The following RSPH14 variants were observed in gnomAD, a reference collection of about 807,000 sequenced individuals.
The protein encoded by RSPH14 is rhabdoid tumor deletion region gene 1.
In RSPH14, 20 loss-of-function variants were observed where a neutral mutation model predicts 26.7. The ratio of observed to expected loss-of-function variants is 0.75; its 90% confidence interval spans 0.53 to 1.09. The LOEUF (loss-of-function observed/expected upper bound fraction) is 1.09. Among genes scored for constraint, RSPH14 ranks in the 50% least tolerant of loss-of-function variants. The probability of loss-of-function intolerance (pLI) is 0.00; values close to 1 mark genes in which losing one functional copy is unlikely to be tolerated. For missense variants in RSPH14, 449 were observed against 457.2 expected (o/e 0.98, Z 0.16); for synonymous variants, 177 against 189.3 (o/e 0.93, Z 0.53).
the RSPH14 span, among the ~76,000 whole-genome samples, chr22:23,155,185 T>C: frequency 3.3e-5 from 5 of 152,314 alleles, no homozygotes; most frequent in African/African-American, 9.6e-5. Context: ...TACTTTGCAG[T>C]TTACTGAGAA....
chr22:23,162,820 A>G, the RSPH14 span: 1 of 443,264 alleles, frequency 2.3e-6, no homozygotes, highest in Non-Finnish European at 4.6e-6. Flanking sequence ...TGTTCAGCTC[A>G]GCGATTGCCA....
chr22:23,147,434 A>G (rs1351582836), upstream of RSPH14, among the ~76,000 whole-genome samples: 1 of 152,068 alleles, frequency 6.6e-6, no homozygotes, highest in South Asian at 2.1e-4. Flanking sequence ...GGCTGAAGCA[A>G]TCCTTCTGCC....
chr22:23,068,901 CA>C (rs1189105048), intron 4 of RSPH14, among the ~76,000 whole-genome samples: 1 of 152,198 alleles, frequency 6.6e-6, no homozygotes, highest in African/African-American at 2.4e-5. Flanking sequence ...AAGGCAAGCA[CA>C]AAGGGTAGCT....
the RSPH14 span, chr22:23,161,125 T>A: frequency 2.5e-6 from 3 of 1,215,584 alleles, no homozygotes; most frequent in Admixed American, 2.7e-5. Context: ...CCTTTGACCC[T>A]CCTCTCAGGG....
intron 4 of RSPH14, among the ~76,000 whole-genome samples, chr22:23,105,215 G>A (rs1453656824): frequency 6.6e-6 from 1 of 152,256 alleles, no homozygotes; most frequent in African/African-American, 2.4e-5. Context: ...GAGAAGCACA[G>A]CAGCATCCTG....
intron 4 of RSPH14, among the ~76,000 whole-genome samples, chr22:23,103,922 C>T (rs2069380446): frequency 6.6e-6 from 1 of 152,332 alleles, no homozygotes; most frequent in South Asian, 2.1e-4. Context: ...GTGACTGGCC[C>T]TGAGCCTGCC....
chr22:23,070,147 C>T (rs945568559), intron 4 of RSPH14, among the ~76,000 whole-genome samples: 7 of 152,092 alleles, frequency 4.6e-5, no homozygotes, highest in Non-Finnish European at 7.4e-5. Flanking sequence ...CCCTGTCCGT[C>T]CCCATTGGGC....
intron 4 of RSPH14, chr22:23,122,806 A>C: frequency 2.0e-6 from 1 of 491,266 alleles, no homozygotes; most frequent in East Asian, 3.3e-5. Flanking sequence ...GTAGCCCCAA[A>C]GCTATATGTT....
intron 4 of RSPH14, among the ~76,000 whole-genome samples, chr22:23,081,247 G>A (rs936160850): frequency 2.6e-5 from 4 of 152,148 alleles, no homozygotes; most frequent in African/African-American, 7.2e-5. Context: ...AAAAGTAAAC[G>A]AGATGTCACG....
intron 4 of RSPH14, among the ~76,000 whole-genome samples, chr22:23,094,583 C>T (rs1209580495): frequency 1.3e-5 from 2 of 152,224 alleles, no homozygotes; most frequent in African/African-American, 4.8e-5. Context: ...CCCCCCTCTA[C>T]CTCCTTCTGC....
At chr22:23,109,321 G>A (rs1181190991) in intron 4 of RSPH14, among the ~76,000 whole-genome samples, 1 of 152,102 alleles carries the variant, frequency 6.6e-6, no homozygotes, top group African/African-American at 2.4e-5. Context: ...AGGCCAGGGT[G>A]GGCCTGCCCT....
chr22:23,131,868 C>G (rs760689245), intron 4 of RSPH14, among the ~76,000 whole-genome samples: 1 of 152,238 alleles, frequency 6.6e-6, no homozygotes, highest in Non-Finnish European at 1.5e-5. Context: ...ACCAGGGGCA[C>G]GGTGGTGTTT....
chr22:23,173,835 G>A, the RSPH14 span, among the ~76,000 whole-genome samples: 2 of 152,162 alleles, frequency 1.3e-5, no homozygotes, highest in South Asian at 2.1e-4. Flanking sequence ...AGCCTCCTGA[G>A]TAGCTGGGAC....
upstream of RSPH14, among the ~76,000 whole-genome samples, chr22:23,142,482 C>G (rs909145673): frequency 6.6e-6 from 1 of 152,194 alleles, no homozygotes; most frequent in Admixed American, 6.5e-5. Context: ...GGATTATAGG[C>G]GGCCGCCATC....
At chr22:23,069,940 C>T (rs1246413833) in intron 4 of RSPH14, among the ~76,000 whole-genome samples, 2 of 152,106 alleles carry the variant, frequency 1.3e-5, no homozygotes, top group Non-Finnish European at 2.9e-5. Context: ...GGGTTTGAAC[C>T]CGAGTGGAGA....
chr22:23,120,882 G>T (rs552832761), intron 4 of RSPH14, among the ~76,000 whole-genome samples: 1 of 152,160 alleles, frequency 6.6e-6, no homozygotes, highest in Non-Finnish European at 1.5e-5. Context: ...TTAATAATAC[G>T]TGCTAATGGT....
intron 4 of RSPH14, among the ~76,000 whole-genome samples, chr22:23,108,979 T>C (rs2069564845): frequency 6.6e-6 from 1 of 152,066 alleles, no homozygotes; most frequent in African/African-American, 2.4e-5. Flanking sequence ...AGAGGAAAGG[T>C]GCTAGGAAGA....
At chr22:23,154,876 A>C in the RSPH14 span, among the ~76,000 whole-genome samples, 1 of 152,244 alleles carries the variant, frequency 6.6e-6, no homozygotes, top group African/African-American at 2.4e-5. Context: ...CTGTAATCCC[A>C]GCACTTTGGG....
the RSPH14 span, chr22:23,180,292 G>T: frequency 1.1e-5 from 2 of 182,868 alleles, no homozygotes; most frequent in Admixed American, 6.2e-5. Flanking sequence ...TTTTACGGGG[G>T]ACCCCTGGGC....
Sources: gnomAD v4.1 joint callset for allele counts (sites outside exome capture counted in the v4.1 genomes callset) on GRCh38, gnomAD v4.1.1 for gene constraint, MANE v1.5 for transcripts, NCBI Gene and HGNC (gene_info 2026-07-23, HGNC 2026-07-21) for gene names.